Variants in PDE7B observed in about 807,000 individuals in gnomAD.
PDE7B encodes phosphodiesterase 7B, also known as 3',5'-cyclic-AMP phosphodiesterase 7B.
PDE7B carries 29 observed loss-of-function variants against 56.2 expected under a neutral mutation model. That is an observed-to-expected ratio of 0.52 (90% CI 0.38 to 0.70). PDE7B has a LOEUF of 0.70. Among genes scored for constraint, PDE7B ranks in the 30% least tolerant of loss-of-function variants. The pLI, the probability that PDE7B is intolerant of heterozygous loss-of-function variation, is 0.00. For synonymous variants in PDE7B, 197 were observed against 196.9 expected, an observed-to-expected ratio of 1.00 and a Z score of 0.00; for missense variants, 490 against 565.0, an observed-to-expected ratio of 0.87 and a Z score of 1.35.
At chr6:135,861,341 A>G (rs1365659410) in intron 1 of PDE7B, among the ~76,000 whole-genome samples, 3 of 151,832 alleles carry the variant, frequency 2.0e-5, no homozygotes, top group African/African-American at 7.2e-5. Context: ...CCCACCAACA[A>G]TACATGTTCA....
chr6:136,173,924 T>A (rs376557402), intron 9 of PDE7B, 36 bp downstream of exon 9: 88 of 1,442,782 alleles, frequency 6.1e-5, no homozygotes, highest in Non-Finnish European at 7.7e-5. Context: ...CTGATGTGCA[T>A]GCAGTAAAGA....
chr6:136,156,189 G>GTGTGTGTC (rs1378099966), intron 8 of PDE7B: 3 of 334,566 alleles, frequency 9.0e-6, no homozygotes, highest in African/African-American at 6.7e-5. Flanking sequence ...GTGTGTGTGT[G>GTGTGTGTC]TGTGTGTGTG....
At chr6:135,995,190 C>A (rs888277130) in intron 2 of PDE7B, among the ~76,000 whole-genome samples, 7 of 151,936 alleles carry the variant, frequency 4.6e-5, no homozygotes, top group African/African-American at 1.5e-4. Flanking sequence ...GTTCATGTCC[C>A]AAACCTTAAC....
intron 2 of PDE7B, among the ~76,000 whole-genome samples, chr6:135,965,516 G>A (rs1029922226): frequency 6.6e-6 from 1 of 152,182 alleles, no homozygotes; most frequent in African/African-American, 2.4e-5. Context: ...GGTTTGATGG[G>A]CCCACAGTTC....
At chr6:135,867,501 G>T (rs1030805935) in intron 1 of PDE7B, among the ~76,000 whole-genome samples, 2 of 152,042 alleles carry the variant, frequency 1.3e-5, no homozygotes, top group Non-Finnish European at 1.5e-5. Flanking sequence ...GTGTCATGGG[G>T]ATTTGCTGTA....
intron 2 of PDE7B, among the ~76,000 whole-genome samples, chr6:136,030,536 G>A (rs1776230758): frequency 6.6e-6 from 1 of 152,200 alleles, no homozygotes; most frequent in African/African-American, 2.4e-5. Flanking sequence ...AGCACCATTA[G>A]CCACTGGCTA....
At chr6:136,093,325 G>A (rs1409485552) in intron 2 of PDE7B, among the ~76,000 whole-genome samples, 1 of 152,198 alleles carries the variant, frequency 6.6e-6, no homozygotes, top group African/African-American at 2.4e-5. Context: ...CATGGGCAAT[G>A]TTGTCTGAAT....
intron 8 of PDE7B, chr6:136,155,989 T>G: frequency 4.6e-6 from 3 of 653,914 alleles, no homozygotes; most frequent in Non-Finnish European, 5.8e-6. Context: ...AATTAGCTCA[T>G]GTCGATACAA....
At chr6:136,127,631 C>G (rs1034308957) in intron 3 of PDE7B, among the ~76,000 whole-genome samples, 1 of 152,096 alleles carries the variant, frequency 6.6e-6, no homozygotes, top group East Asian at 1.9e-4. Context: ...TTTGGTTGCT[C>G]TTAAGAAAAA....
intron 2 of PDE7B, among the ~76,000 whole-genome samples, chr6:135,953,974 C>T (rs957483497): frequency 2.6e-5 from 4 of 152,112 alleles, no homozygotes; most frequent in East Asian, 1.9e-4. Flanking sequence ...TCTCTATATG[C>T]GTGCTCAGAC....
chr6:136,117,521 T>A (rs1777860123), intron 3 of PDE7B, among the ~76,000 whole-genome samples: 1 of 152,232 alleles, frequency 6.6e-6, no homozygotes. Flanking sequence ...AAAGACCTTT[T>A]TTTCTTTCTA....
intron 1 of PDE7B, among the ~76,000 whole-genome samples, chr6:135,893,724 G>A (rs1376670860): frequency 6.6e-6 from 1 of 152,084 alleles, no homozygotes; most frequent in African/African-American, 2.4e-5. Flanking sequence ...ATCATCCTGT[G>A]TCTCCTGCTA....
At chr6:135,915,137 C>G (rs906521645) in intron 1 of PDE7B, among the ~76,000 whole-genome samples, 1 of 151,364 alleles carries the variant, frequency 6.6e-6, no homozygotes, top group Non-Finnish European at 1.5e-5. Flanking sequence ...CATCAGTATT[C>G]TTTTTCATTG....
At chr6:135,981,945 T>C (rs1187250998) in intron 2 of PDE7B, among the ~76,000 whole-genome samples, 2 of 152,106 alleles carry the variant, frequency 1.3e-5, no homozygotes, top group Admixed American at 6.6e-5. Context: ...AGCATCACCA[T>C]AAACAGTGCG....
At chr6:136,143,517 T>G (rs1343054217) in intron 3 of PDE7B, among the ~76,000 whole-genome samples, 1 of 151,934 alleles carries the variant, frequency 6.6e-6, no homozygotes, top group Non-Finnish European at 1.5e-5. Flanking sequence ...CCAAAAAAAG[T>G]CATGAGAAAC....
At chr6:135,984,726 T>G (rs1206293715) in intron 2 of PDE7B, among the ~76,000 whole-genome samples, 2 of 152,102 alleles carry the variant, frequency 1.3e-5, no homozygotes, top group Non-Finnish European at 2.9e-5. Flanking sequence ...CATATGAACT[T>G]GAATTGTGAT....
At chr6:135,928,732 A>G (rs997634270) in intron 1 of PDE7B, among the ~76,000 whole-genome samples, 4 of 151,500 alleles carry the variant, frequency 2.6e-5, no homozygotes, top group East Asian at 1.9e-4. Flanking sequence ...CATGTTCTCA[A>G]TTATAAGTGG....
At chr6:136,014,144 G>T (rs1775936711) in intron 2 of PDE7B, among the ~76,000 whole-genome samples, 2 of 152,174 alleles carry the variant, frequency 1.3e-5, no homozygotes, top group South Asian at 2.1e-4. Context: ...TTTTTTAAAA[G>T]ATATTTATTG....
chr6:135,963,385 C>T (rs1774941765), intron 2 of PDE7B, among the ~76,000 whole-genome samples: 1 of 152,138 alleles, frequency 6.6e-6, no homozygotes, highest in African/African-American at 2.4e-5. Context: ...TTTGTGCAAC[C>T]AGTTAGTTTA....
Sources: allele counts gnomAD v4.1 joint callset (sites outside exome capture counted in the v4.1 genomes callset), GRCh38; gene constraint gnomAD v4.1.1; transcripts MANE v1.5; gene names NCBI Gene and HGNC (gene_info 2026-07-23, HGNC 2026-07-21).